Variants in GALNT6 observed in about 807,000 individuals in gnomAD.
The protein encoded by GALNT6 is GalNAc transferase 6.
In GALNT6, 51 loss-of-function variants were observed where a neutral mutation model predicts 65.9. That is an observed-to-expected ratio of 0.77 (90% CI 0.62 to 0.98). The LOEUF (loss-of-function observed/expected upper bound fraction) is 0.98, where lower values mean the gene tolerates loss of function less well. Ranked by LOEUF, GALNT6 falls within the 50% of genes least tolerant of loss-of-function variation. GALNT6 has a pLI of 0.00. For synonymous variants in GALNT6, 323 were observed against 315.1 expected, an observed-to-expected ratio of 1.02 and a Z score of -0.26; for missense variants, 708 against 803.3, an observed-to-expected ratio of 0.88 and a Z score of 1.43.
intron 2 of GALNT6, among the ~76,000 whole-genome samples, chr12:51,381,223 G>A (rs1487462391): frequency 6.6e-6 from 1 of 152,196 alleles, no homozygotes; most frequent in East Asian, 1.9e-4. Flanking sequence ...ATGGGCGAGA[G>A]AGAGATTCTG....
rs575474442 is a variant in GALNT6, at chr12:51,362,162, G to A, written c.1050-1324C>T. 3.3e-5 allele frequency among the ~76,000 whole-genome samples: 5 copies of A among 152,256 alleles called. No homozygotes were observed. The South Asian group carries it at 8.3e-4, about 25-fold the overall frequency. The stretch of plus-strand genomic sequence containing the variant: ...CAGAGAGTGCTGGAACTGCAGAGGA[G>A]CACTTGGAAGCCAACCTGCTTCCTC... On this transcript the variant is annotated intron_variant, in intron 6 of 11. Coordinates refer to ENST00000356317, the MANE Select transcript of GALNT6 (RefSeq NM_007210.4).
intron 2 of GALNT6, among the ~76,000 whole-genome samples, chr12:51,386,439 G>A (rs1682949409): frequency 2.0e-5 from 3 of 152,182 alleles, no homozygotes; most frequent in African/African-American, 4.8e-5. Flanking sequence ...TGTGGAGACT[G>A]GAAGTCCCAG....
In GALNT6 at chr12:51,379,632, C is replaced by T. The variant is rs750834179; in HGVS notation, c.150G>A (p.Lys50=). The change falls in exon 3 of 12, where the codon AAG becomes AAA. Residue 50 remains lysine, a synonymous_variant. Coordinates refer to ENST00000356317, the MANE Select transcript of GALNT6 (RefSeq NM_007210.4). The part of the protein sequence containing the change: ...KPWLKSLVSR[K]DHVLDLMLEA... ...CCAGCATGAGGTCCAGGACGTGATC[C>T]TTCCGGCTCACCAGGGACTTCAGCC... The T allele has an allele frequency of 3.1e-6, 5 of 1,614,148 alleles. No individual in the cohort carries two copies. In the East Asian group the frequency reaches 1.1e-4, roughly 36 times the overall value.
At chr12:51,385,965 G>T (rs1484308681) in intron 2 of GALNT6, among the ~76,000 whole-genome samples, 1 of 152,110 alleles carries the variant, frequency 6.6e-6, no homozygotes, top group Non-Finnish European at 1.5e-5. Flanking sequence ...CTCCTGAGTA[G>T]CTGGGAATAC....
chr12:51,385,061 T>C (rs1947788202), intron 2 of GALNT6, among the ~76,000 whole-genome samples: 1 of 152,142 alleles, frequency 6.6e-6, no homozygotes, highest in African/African-American at 2.4e-5. Context: ...CAATCTCAGC[T>C]CACTGCAGCC....
intron 4 of GALNT6, among the ~76,000 whole-genome samples, chr12:51,368,984 C>A (rs1947201461): frequency 6.6e-6 from 1 of 152,162 alleles, no homozygotes. Flanking sequence ...CTGGGTCCTG[C>A]CCTTTGAGAC....
At chr12:51,368,886 A>G (rs1013294202) in intron 4 of GALNT6, among the ~76,000 whole-genome samples, 1 of 152,236 alleles carries the variant, frequency 6.6e-6, no homozygotes, top group African/African-American at 2.4e-5. Flanking sequence ...AGCCTCATGC[A>G]GCAGCCTCAG....
In GALNT6 at chr12:51,379,712, G is replaced by A. The variant is rs1171431995; in HGVS notation, c.70C>T (p.Leu24Phe). 1 of 1,613,980 alleles carries A rather than the reference G, an allele frequency of 6.2e-7. No homozygotes were observed. Among genetic ancestry groups the A allele is most frequent in the Non-Finnish European group, 8.5e-7 (1 of 1,179,984 alleles). The change falls in exon 3 of 12, where the codon CTC (leucine) becomes TTC (phenylalanine). Residue 24 changes from leucine to phenylalanine, a missense_variant. Physicochemically the swap from Leu to Phe is conservative, Grantham distance 22 (BLOSUM62 0). Transcript: ENST00000356317. ...CTCACATCCCTATGCAGGAGGAAGAGGAAGAGCACAAAGGCGCAGCCCACC... is the reference window on the plus strand; with the variant it reads ...CTCACATCCCTATGCAGGAGGAAGAAGAAGAGCACAAAGGCGCAGCCCACC... ...AMVGCAFVLF[L>F]FLLHRDVSSR...
chr12:51,371,907 A>T (rs1308361159), intron 4 of GALNT6, among the ~76,000 whole-genome samples: 1 of 152,198 alleles, frequency 6.6e-6, no homozygotes, highest in Non-Finnish European at 1.5e-5. Flanking sequence ...CAAACAGTCA[A>T]ACGTGTGGGA....
chr12:51,380,287 A>G (rs1947621409), intron 2 of GALNT6, among the ~76,000 whole-genome samples: 1 of 152,220 alleles, frequency 6.6e-6, no homozygotes, highest in Admixed American at 6.5e-5. Flanking sequence ...AGAGGTATGT[A>G]CAAGAACATT....
At chr12:51,378,890 C>CCCCG (rs1555180344) in intron 3 of GALNT6, among the ~76,000 whole-genome samples, 2 of 144,918 alleles carry the variant, frequency 1.4e-5, no homozygotes, top group Non-Finnish European at 3.0e-5. Flanking sequence ...CCACCCCCCC[C>CCCCG]CCAAACAGCT....
chr12:51,364,425 G>A lies in GALNT6; in HGVS notation c.815-70C>T, dbSNP rs143012143. The A allele has an allele frequency of 6.3e-3, 6,602 of 1,052,512 alleles. 79 individuals carry two copies. The highest frequency in any genetic ancestry group is 0.03 in the South Asian group (2,209 of 74,276). 65.2% of individuals were successfully genotyped at this position (1,052,512 alleles called of 1,614,324 possible). A position where few individuals can be genotyped will look rare whatever the true frequency, so the allele number is the denominator to read the frequency against. On this transcript the variant is annotated intron_variant, in intron 5 of 11. Coordinates refer to ENST00000356317, the MANE Select transcript of GALNT6 (RefSeq NM_007210.4). ...GCAGAGCCCAAGCTGCATCCTGGAG[G>A]GAATGCCCAGGAGGATAAGAGACAG...
intron 2 of GALNT6, among the ~76,000 whole-genome samples, chr12:51,382,861 C>G (rs527967436): frequency 6.6e-6 from 1 of 152,186 alleles, no homozygotes; most frequent in South Asian, 2.1e-4. Context: ...TGGGGTGGGA[C>G]AGTTTACCCC....
At chr12:51,356,186 G>GTA (rs1326163109) in intron 10 of GALNT6, among the ~76,000 whole-genome samples, 2 of 148,672 alleles carry the variant, frequency 1.3e-5, no homozygotes, top group African/African-American at 2.5e-5. Context: ...ATATATGTGT[G>GTA]TATATATATA....
At chr12:51,376,355 C>T (rs568699841) in intron 4 of GALNT6, among the ~76,000 whole-genome samples, 12 of 151,738 alleles carry the variant, frequency 7.9e-5, no homozygotes, top group Admixed American at 2.6e-4. Flanking sequence ...GGCTTCTGGC[C>T]GGGCACGGTG....
intron 9 of GALNT6, among the ~76,000 whole-genome samples, 184 bp downstream of exon 9, chr12:51,357,946 C>T (rs1478918178): frequency 6.6e-6 from 1 of 152,104 alleles, no homozygotes; most frequent in Non-Finnish European, 1.5e-5. Context: ...GTTGTTTTGC[C>T]CTTTATAAGG....
chr12:51,380,202 G>A (rs1947618982), intron 2 of GALNT6, among the ~76,000 whole-genome samples: 1 of 152,072 alleles, frequency 6.6e-6, no homozygotes, highest in South Asian at 2.1e-4. Context: ...AGAAAAATTT[G>A]AAATGAACAC....
At chr12:51,378,884 C>T (rs961735775) in intron 3 of GALNT6, among the ~76,000 whole-genome samples, 10 of 139,700 alleles carry the variant, frequency 7.2e-5, no homozygotes, top group African/African-American at 2.7e-4. Context: ...AAATGCCCAC[C>T]CCCCCCCCAA....
At chr12:51,390,165 T>TCTTTCTTTC (rs1948001747) in intron 2 of GALNT6, among the ~76,000 whole-genome samples, 1 of 115,624 alleles carries the variant, frequency 8.6e-6, no homozygotes, top group African/African-American at 3.0e-5. Flanking sequence ...TCTTTTTTTT[T>TCTTTCTTTC]TTTTTTTTTT....
Sources: allele counts gnomAD v4.1 joint callset (sites outside exome capture counted in the v4.1 genomes callset), GRCh38; gene constraint gnomAD v4.1.1; transcripts MANE v1.5; gene names NCBI Gene and HGNC (gene_info 2026-07-23, HGNC 2026-07-21).